The following SLC24A5 variants were observed in gnomAD, a reference collection of about 807,000 sequenced individuals.
The protein encoded by SLC24A5 is sodium/potassium/calcium exchanger 5.
Under a neutral mutation model 51.6 loss-of-function variants are expected in SLC24A5, and 46 were observed. That is an observed-to-expected ratio of 0.89 (90% CI 0.70 to 1.14). The LOEUF is 1.14. Among genes scored for constraint, SLC24A5 ranks in the 50% most tolerant of loss-of-function variants. SLC24A5 has a pLI of 0.00. For synonymous variants in SLC24A5, 230 were observed against 214.9 expected (o/e 1.07, Z -0.62); for missense variants, 581 against 604.1 (o/e 0.96, Z 0.40).
intron 2 of SLC24A5, chr15:48,123,636 G>A (rs1041213908): frequency 1.3e-5 from 2 of 151,976 alleles, no homozygotes; most frequent in African/African-American, 4.8e-5. Flanking sequence ...TGGACATTTG[G>A]CCTGTTTTAA....
intron 2 of SLC24A5, chr15:48,123,854 C>T (rs1322691333): frequency 6.6e-6 from 1 of 152,050 alleles, no homozygotes; most frequent in African/African-American, 2.4e-5. Flanking sequence ...TCCTTGGTTG[C>T]TTTAACCTCC....
chr15:48,140,606 G>GT (rs1445745901), intron 7 of SLC24A5: 1 of 152,092 alleles, frequency 6.6e-6, no homozygotes, highest in Non-Finnish European at 1.5e-5. Flanking sequence ...ATTAATGAAC[G>GT]TTCCCCCTCC....
At chr15:48,141,037 G>C (rs886817576) in intron 7 of SLC24A5, 76 bp from the exon 8 acceptor site, 1 of 1,219,044 alleles carries the variant, frequency 8.2e-7, no homozygotes, top group African/African-American at 1.5e-5. Flanking sequence ...GTTCACGAAG[G>C]AAATATCCAA....
intron 2 of SLC24A5, among the ~76,000 whole-genome samples, chr15:48,132,047 C>T (rs1194891075): frequency 6.6e-6 from 1 of 152,114 alleles, no homozygotes; most frequent in Non-Finnish European, 1.5e-5. Flanking sequence ...AGCCAAAGTC[C>T]TTATTAGGAT....
chr15:48,130,228 G>GA (rs1160857668), intron 2 of SLC24A5, among the ~76,000 whole-genome samples: 19 of 152,026 alleles, frequency 1.2e-4, no homozygotes, highest in Non-Finnish European at 1.9e-4. Flanking sequence ...GCTATGGGAG[G>GA]AAAAAACTAG....
At chr15:48,136,638 A>G (rs775365532) in intron 5 of SLC24A5, 45 bp from the exon 6 acceptor site, 1 of 1,535,456 alleles carries the variant, frequency 6.5e-7, no homozygotes, top group Non-Finnish European at 8.8e-7. Context: ...CAACTCTAAA[A>G]TGACTTTCAC....
intron 2 of SLC24A5, among the ~76,000 whole-genome samples, chr15:48,126,293 T>C (rs1429491361): frequency 1.3e-5 from 2 of 152,214 alleles, no homozygotes; most frequent in African/African-American, 2.4e-5. Context: ...CTTAACTGTA[T>C]GGAGCCAATA....
chr15:48,132,477 C>T (rs1031268088), intron 2 of SLC24A5, among the ~76,000 whole-genome samples: 2 of 152,098 alleles, frequency 1.3e-5, no homozygotes, highest in African/African-American at 2.4e-5. Flanking sequence ...ATTACTAGCA[C>T]ATTAAAAAAG....
chr15:48,129,849 G>C (rs756877342), intron 2 of SLC24A5, among the ~76,000 whole-genome samples: 1 of 151,948 alleles, frequency 6.6e-6, no homozygotes, highest in Non-Finnish European at 1.5e-5. Flanking sequence ...AGATTGTGTG[G>C]TCTGATCCTC....
intron 2 of SLC24A5, among the ~76,000 whole-genome samples, chr15:48,125,221 C>T (rs1338636718): frequency 1.3e-5 from 2 of 150,594 alleles, no homozygotes; most frequent in Admixed American, 1.3e-4. Context: ...TTATCAGTTA[C>T]TTATGATAAA....
intron 2 of SLC24A5, among the ~76,000 whole-genome samples, chr15:48,128,678 T>A (rs1252066253): frequency 2.6e-5 from 4 of 152,154 alleles, no homozygotes; most frequent in Non-Finnish European, 4.4e-5. Context: ...AGAATAGTGC[T>A]TCCTCCCTGC....
chr15:48,134,891 C>T lies in SLC24A5; in HGVS notation c.497C>T (p.Thr166Ile), dbSNP rs759318202. The T allele has an allele frequency of 7.5e-6, 12 of 1,609,496 alleles. No individual in the cohort carries two copies. The highest frequency in any genetic ancestry group is 3.3e-5 in the Admixed American group (2 of 59,864). ...TAACTTACCATATTACAGGTCTCAA[C>T]ACTATCATGTTGGCCCCTATTCAGA... The part of the protein sequence containing the change: ...ACGLLSNTVS[T>I]LSCWPLFRDC... The change falls in exon 5 of 9, where the codon ACA becomes ATA. Residue 166 changes from threonine to isoleucine, a missense_variant. Physicochemically the swap from Thr to Ile is moderately conservative, Grantham distance 89 (BLOSUM62 -1). Coordinates refer to ENST00000341459, the MANE Select transcript of SLC24A5 (RefSeq NM_205850.3).
At chr15:48,139,212 A>G in intron 7 of SLC24A5, 37 bp downstream of exon 7, 1 of 1,537,766 alleles carries the variant, frequency 6.5e-7, no homozygotes, top group Non-Finnish European at 8.9e-7. Context: ...ACTTGAAAAT[A>G]TTCATATAAG....
At chr15:48,123,090 G>C (rs2038696478) in intron 2 of SLC24A5, 1 of 151,744 alleles carries the variant, frequency 6.6e-6, no homozygotes, top group Non-Finnish European at 1.5e-5. Flanking sequence ...CAGTATACCA[G>C]AATCTGTAGG....
At chr15:48,139,659 T>A (rs1469680065) in intron 7 of SLC24A5, 5 of 152,592 alleles carry the variant, frequency 3.3e-5, no homozygotes, top group Non-Finnish European at 7.3e-5. Flanking sequence ...ATGAAATGAG[T>A]GAAAAGGGCA....
intron 2 of SLC24A5, among the ~76,000 whole-genome samples, chr15:48,133,537 T>C (rs775921034): frequency 6.6e-6 from 1 of 152,188 alleles, no homozygotes; most frequent in Non-Finnish European, 1.5e-5. Context: ...TTTTCTTATA[T>C]TCCTATTCTA....
chr15:48,133,254 C>G (rs1414488990), intron 2 of SLC24A5, among the ~76,000 whole-genome samples: 2 of 152,124 alleles, frequency 1.3e-5, no homozygotes, highest in South Asian at 4.1e-4. Context: ...TCGATACTAA[C>G]TTTGTGACCT....
At position 48,141,107 on chromosome 15, in the gene SLC24A5, T is replaced by C. The variant is rs1417435130; in HGVS notation, c.1079-6T>C. 1.0e-4 allele frequency: 165 copies of C among 1,605,978 alleles called. No individual in the cohort carries two copies. Among genetic ancestry groups the C allele is most frequent in the Non-Finnish European group, 1.4e-4 (162 of 1,173,184 alleles). ...ATTTGTAACTTGAAATATCTGTTTA[T>C]TACAGGGGAAACACTAGAAATTCCC... On this transcript the variant is annotated splice_region_variant and splice_polypyrimidine_tract_variant and intron_variant, in intron 7 of 8. Transcript: ENST00000341459.
intron 2 of SLC24A5, among the ~76,000 whole-genome samples, chr15:48,129,851 C>T (rs941880463): frequency 2.0e-5 from 3 of 151,954 alleles, no homozygotes; most frequent in Non-Finnish European, 2.9e-5. Flanking sequence ...ATTGTGTGGT[C>T]TGATCCTCCA....
Sources: allele counts gnomAD v4.1 joint callset (sites outside exome capture counted in the v4.1 genomes callset), GRCh38; gene constraint gnomAD v4.1.1; transcripts MANE v1.5; gene names NCBI Gene and HGNC (gene_info 2026-07-23, HGNC 2026-07-21).